Variants in SUSD1 observed in about 807,000 individuals in gnomAD.
SUSD1 encodes sushi domain-containing protein 1.
A neutral mutation model predicts 86.9 loss-of-function variants in SUSD1; 65 were observed. That is an observed-to-expected ratio of 0.75 (90% CI 0.61 to 0.92). The LOEUF (loss-of-function observed/expected upper bound fraction) is 0.92, where lower values mean the gene tolerates loss of function less well. Among genes scored for constraint, SUSD1 ranks in the 40% least tolerant of loss-of-function variants. The probability of loss-of-function intolerance (pLI) is 0.00; values close to 1 mark genes in which losing one functional copy is unlikely to be tolerated. For missense variants in SUSD1, 850 were observed against 929.7 expected, an observed-to-expected ratio of 0.91 and a Z score of 1.11; for synonymous variants, 346 against 350.0, an observed-to-expected ratio of 0.99 and a Z score of 0.13.
In SUSD1 at chr9:112,098,668, A is replaced by G. The variant is rs922703634; in HGVS notation, c.1282-6T>C. ...CTCTGACCCAGAACGGTAAACTGTCATGAGATTAAAAGAAAGTGTTACATT... is the reference window on the plus strand; with the variant it reads ...CTCTGACCCAGAACGGTAAACTGTCGTGAGATTAAAAGAAAGTGTTACATT... On this transcript the variant is annotated splice_polypyrimidine_tract_variant and splice_region_variant and intron_variant, in intron 9 of 16. Transcript: ENST00000374270. 6.2e-7 allele frequency: 1 copy of G among 1,613,920 alleles called. No individual in the cohort carries two copies. Among genetic ancestry groups the G allele is most frequent in the African/African-American group, 1.3e-5 (1 of 74,948 alleles).
At chr9:112,149,422 C>T (rs377640221) in intron 2 of SUSD1, 23 bp from the exon 3 acceptor site, 14 of 1,610,860 alleles carry the variant, frequency 8.7e-6, no homozygotes, top group Non-Finnish European at 1.2e-5. Flanking sequence ...AGACAAGGCA[C>T]CGGAAGAGCT....
At chr9:112,122,522 T>C (rs1831595667) in intron 6 of SUSD1, among the ~76,000 whole-genome samples, 1 of 99,638 alleles carries the variant, frequency 1.0e-5, no homozygotes, top group Non-Finnish European at 1.9e-5. Flanking sequence ...CTTGAACTCC[T>C]GACCTCAAGT....
intron 14 of SUSD1, among the ~76,000 whole-genome samples, chr9:112,053,078 G>C (rs1024009827): frequency 1.3e-5 from 2 of 152,138 alleles, no homozygotes; most frequent in African/African-American, 4.8e-5. Flanking sequence ...TATAAGACTT[G>C]AAAATATTCC....
At chr9:112,100,432 C>T (rs748584716) in intron 9 of SUSD1, among the ~76,000 whole-genome samples, 188 of 152,102 alleles carry the variant, frequency 1.2e-3, no homozygotes, top group Middle Eastern at 3.4e-3. Context: ...GTGATCCACC[C>T]GCCTTGGCCT....
At chr9:112,112,931 G>A in intron 6 of SUSD1, 63 bp from the exon 7 acceptor site, 1 of 977,742 alleles carries the variant, frequency 1.0e-6, no homozygotes, top group Non-Finnish European at 1.6e-6. Context: ...AAATTCTAAA[G>A]GAGATCAGTC....
intron 6 of SUSD1, among the ~76,000 whole-genome samples, chr9:112,116,854 C>A (rs1481295820): frequency 6.6e-6 from 1 of 152,008 alleles, no homozygotes; most frequent in African/African-American, 2.4e-5. Context: ...TCTCAGCCTT[C>A]CAAGGCCAGG....
intron 12 of SUSD1, among the ~76,000 whole-genome samples, chr9:112,070,378 C>T (rs1040099601): frequency 3.4e-4 from 52 of 152,228 alleles, no homozygotes; most frequent in African/African-American, 1.2e-3. Flanking sequence ...GGCTGGTTCT[C>T]AGCCACATTT....
At chr9:112,171,919 G>A (rs1834061917) in intron 1 of SUSD1, among the ~76,000 whole-genome samples, 1 of 152,156 alleles carries the variant, frequency 6.6e-6, no homozygotes, top group African/African-American at 2.4e-5. Context: ...TCCGAGGCCA[G>A]GAGCAGTGGC....
intron 9 of SUSD1, among the ~76,000 whole-genome samples, chr9:112,099,660 T>C (rs1490686964): frequency 6.6e-6 from 1 of 152,194 alleles, no homozygotes; most frequent in Non-Finnish European, 1.5e-5. Context: ...AGTAATATGA[T>C]CAGCCCTTGA....
At chr9:112,174,184 T>C (rs943389861) in intron 1 of SUSD1, among the ~76,000 whole-genome samples, 1 of 152,166 alleles carries the variant, frequency 6.6e-6, no homozygotes, top group African/African-American at 2.4e-5. Flanking sequence ...AATTCATTCA[T>C]TCTACACTCA....
chr9:112,079,250 T>C (rs1419984513), intron 11 of SUSD1, among the ~76,000 whole-genome samples: 1 of 152,098 alleles, frequency 6.6e-6, no homozygotes, highest in Non-Finnish European at 1.5e-5. Flanking sequence ...ATTTGTATAA[T>C]AAATATATTT....
At chr9:112,144,192 A>G (rs575153076) in intron 3 of SUSD1, among the ~76,000 whole-genome samples, 5 of 152,112 alleles carry the variant, frequency 3.3e-5, no homozygotes, top group African/African-American at 9.6e-5. Flanking sequence ...GTGAGCCGAG[A>G]TCACGCCACT....
rs537221955 is a variant in SUSD1 at position 112,118,630 on chromosome 9, G to A, written c.886+5627C>T. Among the ~76,000 whole-genome samples the A allele has an allele frequency of 2.6e-5, 4 of 152,176 alleles. No individual in the cohort carries two copies. In the East Asian group the frequency reaches 5.8e-4, roughly 22 times the overall value. ...CTCCCGAGTAGCTGGGACTACAGACGCGTGCCACCACACCCAGCTAATTTT... is the reference window on the plus strand; with the variant it reads ...CTCCCGAGTAGCTGGGACTACAGACACGTGCCACCACACCCAGCTAATTTT... On this transcript the variant is annotated intron_variant, in intron 6 of 16. Transcript: ENST00000374270.
At position 112,043,114 on chromosome 9, in the gene SUSD1, C is replaced by T. The variant is rs557091767; in HGVS notation, c.2150-1154G>A. Among the ~76,000 whole-genome samples the T allele has an allele frequency of 6.9e-4, 105 of 152,276 alleles. 1 individual carries two copies. The highest frequency in any genetic ancestry group is 2.4e-3 in the African/African-American group (99 of 41,554). ...AACAAAGACGATAATAGCCCTTTCC[C>T]CAAACAAATCCCCATCCTGTCTGGG... On this transcript the variant is annotated intron_variant, in intron 15 of 16. Coordinates refer to ENST00000374270, the MANE Select transcript of SUSD1 (RefSeq NM_022486.5).
At chr9:112,119,513 C>T (rs112593291) in intron 6 of SUSD1, among the ~76,000 whole-genome samples, 25 of 152,196 alleles carry the variant, frequency 1.6e-4, no homozygotes, top group African/African-American at 5.8e-4. Context: ...TAGCGATAAA[C>T]AGCCTCTGTT....
intron 14 of SUSD1, among the ~76,000 whole-genome samples, chr9:112,056,222 G>A (rs548603850): frequency 4.6e-5 from 7 of 151,908 alleles, no homozygotes; most frequent in Non-Finnish European, 1.0e-4. Flanking sequence ...AGCTATGATC[G>A]TGCCACTGCA....
chr9:112,135,063 C>CA (rs34814068), intron 5 of SUSD1, among the ~76,000 whole-genome samples: 34,163 of 132,462 alleles, frequency 0.26, 4,312 homozygotes, highest in African/African-American at 0.37. Flanking sequence ...CAAACTGTCT[C>CA]AAAAAAAAAA....
chr9:112,157,287 A>T (rs1404068410), intron 2 of SUSD1, among the ~76,000 whole-genome samples: 1 of 152,188 alleles, frequency 6.6e-6, no homozygotes, highest in African/African-American at 2.4e-5. Flanking sequence ...AAGTTCAATG[A>T]CCTCTAACAT....
intron 12 of SUSD1, among the ~76,000 whole-genome samples, chr9:112,073,011 AAC>A (rs1829351885): frequency 6.6e-6 from 1 of 152,196 alleles, no homozygotes. Flanking sequence ...GTTTGTGGGT[AAC>A]CAACCATGAA....
Sources: allele counts gnomAD v4.1 joint callset (sites outside exome capture counted in the v4.1 genomes callset), GRCh38; gene constraint gnomAD v4.1.1; transcripts MANE v1.5; gene names NCBI Gene and HGNC (gene_info 2026-07-23, HGNC 2026-07-21).